MTMR7: variants seen among roughly 807,000 people sequenced by gnomAD.
The protein encoded by MTMR7 is phosphatidylinositol-3-phosphate phosphatase MTMR7.
MTMR7 carries 76 observed loss-of-function variants against 81.2 expected under a neutral mutation model. The observed-to-expected ratio is 0.94, with a 90% CI of 0.78 to 1.13. MTMR7 has a LOEUF of 1.13. MTMR7 is among the 50% of genes most tolerant of loss of function. MTMR7 has a pLI of 0.00. For missense variants in MTMR7, 1,044 were observed against 820.0 expected, an observed-to-expected ratio of 1.27 and a Z score of -3.34; for synonymous variants, 372 against 289.8, an observed-to-expected ratio of 1.28 and a Z score of -2.88.
Position 17,371,712 on chromosome 8 carries a change from C to CT in MTMR7, c.148-514dup, listed in dbSNP as rs547926588. Among the ~76,000 whole-genome samples the CT allele has an allele frequency of 2.0e-3, 305 of 152,052 alleles. 3 individuals are homozygous for CT. The highest frequency in any genetic ancestry group is 3.4e-3 in the Middle Eastern group (1 of 292). ...CTGCAAAAGAAGGGATTTATTTTAT[C>CT]TTTTTATTTTTTAAATTAATATTTT... On this transcript the variant is annotated intron_variant, in intron 2 of 13. Coordinates refer to ENST00000180173, the MANE Select transcript of MTMR7 (RefSeq NM_004686.5).
chr8:17,373,163 A>G lies in MTMR7; in HGVS notation c.102T>C (p.His34=), dbSNP rs1820471220. The G allele has an allele frequency of 3.7e-6, 6 of 1,613,694 alleles. No homozygotes were observed. Among genetic ancestry groups the G allele is most frequent in the African/African-American group, 1.3e-5 (1 of 74,936 alleles). Residue 34 remains histidine, a synonymous_variant, in exon 2 of 14, where the codon CAT becomes CAC. Coordinates refer to ENST00000180173, the MANE Select transcript of MTMR7 (RefSeq NM_004686.5). ...ALGTLYLTAT[H]VIFVENSPDP... ...CAGGTGAATTTTCCACGAATATGAC[A>G]TGGGTAGCCGTCAAATACAAAGTAC...
chr8:17,309,184 AAAC>A, intron 10 of MTMR7, 90 bp downstream of exon 10: 1 of 880,564 alleles, frequency 1.1e-6, no homozygotes, highest in Non-Finnish European at 1.8e-6. Flanking sequence ...CAAACTCAAA[AAAC>A]AAGACGATTT....
intron 6 of MTMR7, among the ~76,000 whole-genome samples, chr8:17,337,868 G>C (rs1165732629): frequency 1.3e-5 from 2 of 152,150 alleles, no homozygotes; most frequent in African/African-American, 2.4e-5. Flanking sequence ...GTAATTCTGA[G>C]GCTTTCATCT....
intron 4 of MTMR7, among the ~76,000 whole-genome samples, chr8:17,357,676 C>T (rs1819937321): frequency 6.6e-6 from 1 of 152,180 alleles, no homozygotes; most frequent in Non-Finnish European, 1.5e-5. Flanking sequence ...GTGAGGCCTT[C>T]CTATATTTAG....
chr8:17,375,015 G>T (rs1585103329), intron 1 of MTMR7, among the ~76,000 whole-genome samples: 1 of 152,086 alleles, frequency 6.6e-6, no homozygotes, highest in South Asian at 2.1e-4. Context: ...CTTACAACTG[G>T]AAGGCAGAGG....
chr8:17,408,395 CAAA>C (rs530240881), intron 1 of MTMR7, among the ~76,000 whole-genome samples: 514 of 23,474 alleles, frequency 0.022, 15 homozygotes, highest in African/African-American at 0.045. Context: ...GACTCCGTCT[CAAA>C]AAAAAAAAAA....
At position 17,359,011 on chromosome 8, in the gene MTMR7, G is replaced by A. The variant is rs1237260619; in HGVS notation, c.468+2106C>T. Among the ~76,000 whole-genome samples the A allele has an allele frequency of 4.6e-5, 7 of 152,028 alleles. No individual in the cohort carries two copies. In the South Asian group the frequency reaches 6.2e-4, roughly 14 times the overall value. On this transcript the variant is annotated intron_variant, in intron 4 of 13. Transcript: ENST00000180173. ...CAGGCTCAAGCAATCCTCCAGCCTCGACCTCCCAAGCAGCTGGGACTACAG... is the reference window on the plus strand; with the variant it reads ...CAGGCTCAAGCAATCCTCCAGCCTCAACCTCCCAAGCAGCTGGGACTACAG...
At chr8:17,351,201 C>T (rs1819719269) in intron 4 of MTMR7, among the ~76,000 whole-genome samples, 1 of 152,182 alleles carries the variant, frequency 6.6e-6, no homozygotes, top group Non-Finnish European at 1.5e-5. Flanking sequence ...TACATTCTTC[C>T]TTGTAACAAC....
intron 1 of MTMR7, among the ~76,000 whole-genome samples, chr8:17,377,842 C>G (rs1820635450): frequency 6.6e-6 from 1 of 151,994 alleles, no homozygotes; most frequent in African/African-American, 2.4e-5. Flanking sequence ...TTTACTTAAA[C>G]TTTTGTCATT....
At chr8:17,350,165 AT>A (rs1267109949) in intron 4 of MTMR7, among the ~76,000 whole-genome samples, 2 of 152,204 alleles carry the variant, frequency 1.3e-5, no homozygotes, top group Non-Finnish European at 2.9e-5. Flanking sequence ...GTCCTGGGAT[AT>A]GTCAGGCACC....
At chr8:17,334,302 G>T (rs182551432) in intron 6 of MTMR7, among the ~76,000 whole-genome samples, 3 of 152,146 alleles carry the variant, frequency 2.0e-5, no homozygotes, top group Non-Finnish European at 4.4e-5. Context: ...GACATTTTAC[G>T]TGTATGTGTG....
chr8:17,304,087 A>G (rs576225966), intron 12 of MTMR7, among the ~76,000 whole-genome samples: 98 of 152,308 alleles, frequency 6.4e-4, no homozygotes, highest in Non-Finnish European at 1.1e-3. Flanking sequence ...AGGCATTTGC[A>G]TTATTCTCTT....
chr8:17,389,200 G>A (rs1821033339), intron 1 of MTMR7, among the ~76,000 whole-genome samples: 1 of 152,060 alleles, frequency 6.6e-6, no homozygotes, highest in African/African-American at 2.4e-5. Flanking sequence ...CAGTCCACTG[G>A]GATCATTCAC....
Position 17,306,709 on chromosome 8 carries a change from G to T in MTMR7, c.1152-752C>A, listed in dbSNP as rs114343283. 4.6e-3 allele frequency among the ~76,000 whole-genome samples: 695 copies of T among 152,264 alleles called. 3 individuals carry two copies. Among genetic ancestry groups the T allele is most frequent in the African/African-American group, 0.016 (646 of 41,552 alleles). On this transcript the variant is annotated intron_variant, in intron 10 of 13. Coordinates refer to ENST00000180173, the MANE Select transcript of MTMR7 (RefSeq NM_004686.5). ...AAGAGATCATCACCTTGAGGAAGAG[G>T]AATGAGCAATGATCAGTTTTAGAGT...
chr8:17,346,242 T>C (rs1819547853), intron 5 of MTMR7: 1 of 152,186 alleles, frequency 6.6e-6, no homozygotes, highest in Admixed American at 6.5e-5. Flanking sequence ...TGATCATTAT[T>C]CCACCTGCAA....
At chr8:17,401,762 C>T (rs1821435419) in intron 1 of MTMR7, among the ~76,000 whole-genome samples, 2 of 151,934 alleles carry the variant, frequency 1.3e-5, no homozygotes, top group Non-Finnish European at 2.9e-5. Flanking sequence ...GGTGAAATGC[C>T]AAGATTGGAA....
Position 17,348,921 on chromosome 8 carries a change from A to C in MTMR7, c.597+32T>G. 3 of 1,612,852 alleles carry C rather than the reference A, an allele frequency of 1.9e-6. No individual in the cohort carries two copies. In the East Asian group the frequency reaches 6.7e-5, roughly 36 times the overall value. On this transcript the variant is annotated intron_variant, in intron 5 of 13. Transcript: ENST00000180173. The stretch of plus-strand genomic sequence containing the variant: ...TGCTTATGATAAACTAGAAAAGCAA[A>C]GTGTAAAACAAAAACACGCCTCGAG...
chr8:17,361,995 T>C (rs1464931108), intron 3 of MTMR7, among the ~76,000 whole-genome samples: 2 of 152,174 alleles, frequency 1.3e-5, no homozygotes, highest in African/African-American at 4.8e-5. Flanking sequence ...TGAAGCCCAA[T>C]AGCCCCACTG....
Position 17,408,246 on chromosome 8 carries a change from G to A in MTMR7, c.24+5023C>T, listed in dbSNP as rs565705885. On this transcript the variant is annotated intron_variant, in intron 1 of 13. Coordinates refer to ENST00000180173, the MANE Select transcript of MTMR7 (RefSeq NM_004686.5). ...TCTACTAAAAATACAAAAATTAGCC[G>A]GGCGTAGTGGCGGGCGCCTGTAGTC... is the stretch of plus-strand genomic sequence containing the variant. Among the ~76,000 whole-genome samples, 5 of 115,560 alleles carry A rather than the reference G, an allele frequency of 4.3e-5. 1 individual carries two copies. The highest frequency in any genetic ancestry group is 1.0e-4 in the Non-Finnish European group (5 of 48,948). 75.8% of individuals were successfully genotyped at this position (115,560 alleles called of 152,430 possible). A position where few individuals can be genotyped will look rare whatever the true frequency, so the allele number is the denominator to read the frequency against.
Sources: allele counts gnomAD v4.1 joint callset (sites outside exome capture counted in the v4.1 genomes callset), GRCh38; gene constraint gnomAD v4.1.1; transcripts MANE v1.5; gene names NCBI Gene and HGNC (gene_info 2026-07-23, HGNC 2026-07-21).